Variants in RFTN2 observed in about 807,000 individuals in gnomAD.
RFTN2 encodes raftlin-2.
In RFTN2, 34 loss-of-function variants were observed where a neutral mutation model predicts 52.7. The observed-to-expected ratio is 0.64, with a 90% CI of 0.49 to 0.86. RFTN2 has a LOEUF of 0.86. Ranked by LOEUF, RFTN2 falls within the 40% of genes least tolerant of loss-of-function variation. RFTN2 has a pLI of 0.00. For missense variants in RFTN2, 536 were observed against 600.1 expected (o/e 0.89, Z 1.12); for synonymous variants, 203 against 217.7 (o/e 0.93, Z 0.59).
chr2:197,572,194 A>G lies in RFTN2; in HGVS notation c.1320T>C (p.Pro440=), dbSNP rs778686336. ...SIGLDTTSSQ[P]AESRHLPEEC... ...CCTCAGGCAGGTGTCTGCTCTCTGC[A>G]GGTTGTGACGAGGTTGTGTCTAATC... is the stretch of plus-strand genomic sequence containing the variant. Residue 440 remains proline (P), a synonymous_variant, in exon 9 of 9, where the codon CCT becomes CCC. Coordinates refer to ENST00000295049, the MANE Select transcript of RFTN2 (RefSeq NM_144629.3). 170 of 1,614,238 alleles carry G rather than the reference A, an allele frequency of 1.1e-4. No homozygotes were observed. The highest frequency in any genetic ancestry group is 1.4e-4 in the Non-Finnish European group (162 of 1,180,038).
intron 1 of RFTN2, among the ~76,000 whole-genome samples, chr2:197,664,691 G>A (rs1393641505): frequency 2.6e-5 from 4 of 151,866 alleles, no homozygotes; most frequent in African/African-American, 9.7e-5. Context: ...AGGCTGAGGT[G>A]GGAGGATCAC....
intron 1 of RFTN2, among the ~76,000 whole-genome samples, chr2:197,665,358 G>A (rs1214073807): frequency 6.6e-6 from 1 of 151,964 alleles, no homozygotes; most frequent in Non-Finnish European, 1.5e-5. Context: ...CTGAAAGTGG[G>A]TTGAAGTATT....
chr2:197,654,561 C>T (rs907937620), intron 1 of RFTN2, among the ~76,000 whole-genome samples: 1 of 152,078 alleles, frequency 6.6e-6, no homozygotes, highest in African/African-American at 2.4e-5. Context: ...TATATACAGC[C>T]GAAGAGCATC....
At chr2:197,626,013 T>C (rs2106224915) in intron 5 of RFTN2, among the ~76,000 whole-genome samples, 1 of 152,238 alleles carries the variant, frequency 6.6e-6, no homozygotes, top group Non-Finnish European at 1.5e-5. Context: ...AGTCTTGAAC[T>C]CCTGACCTCA....
intron 7 of RFTN2, among the ~76,000 whole-genome samples, chr2:197,603,896 C>T (rs987511985): frequency 2.6e-5 from 4 of 152,114 alleles, no homozygotes; most frequent in Non-Finnish European, 4.4e-5. Context: ...CCCTGCACTC[C>T]AGTCTGGGCT....
Position 197,571,686 on chromosome 2 carries a change from T to A in RFTN2, c.*322A>T. ...AAAATACTGATTGAGATATTCAGTCTCCTTACCAGGAATTGTAAGAAAGTC... is the reference window on the plus strand; with the variant it reads ...AAAATACTGATTGAGATATTCAGTCACCTTACCAGGAATTGTAAGAAAGTC... On this transcript the variant is annotated 3_prime_UTR_variant, in exon 9 of 9. Coordinates refer to ENST00000295049, the MANE Select transcript of RFTN2 (RefSeq NM_144629.3). The A allele has an allele frequency of 6.8e-6, 2 of 295,198 alleles. No individual in the cohort carries two copies. The highest frequency in any genetic ancestry group is 1.0e-4 in the South Asian group (2 of 19,980). 18.3% of individuals were successfully genotyped at this position (295,198 alleles called of 1,614,324 possible). A position where few individuals can be genotyped will look rare whatever the true frequency, so the allele number is the denominator to read the frequency against.
chr2:197,586,044 G>A (rs527946251), intron 8 of RFTN2, among the ~76,000 whole-genome samples: 6 of 152,244 alleles, frequency 3.9e-5, no homozygotes, highest in South Asian at 4.1e-4. Context: ...ACACACCACT[G>A]AAACAATTGG....
chr2:197,622,360 G>A (rs563542455), intron 5 of RFTN2, among the ~76,000 whole-genome samples: 6 of 152,122 alleles, frequency 3.9e-5, no homozygotes, highest in Non-Finnish European at 5.9e-5. Flanking sequence ...GCTGGGGTGC[G>A]GTGGCATGAT....
At position 197,569,320 on chromosome 2, in the gene RFTN2, G is replaced by A. The variant is rs961626117; in HGVS notation, c.*2688C>T. On this transcript the variant is annotated 3_prime_UTR_variant, in exon 9 of 9. Transcript: ENST00000295049. ...AAAAGAACTGAATATACAACTGGCA[G>A]ATAATAAAATTAGACATATTTAACT... 6.6e-6 allele frequency: 1 copy of A among 152,160 alleles called. No individual in the cohort carries two copies. The highest frequency in any genetic ancestry group is 2.1e-4 in the South Asian group (1 of 4,836). The allele number at this position is 152,160 out of a possible 1,614,324, so 9.4% of individuals were successfully genotyped here. A position where few individuals can be genotyped will look rare whatever the true frequency, so the allele number is the denominator to read the frequency against.
chr2:197,605,583 T>C (rs1275243251), intron 7 of RFTN2, among the ~76,000 whole-genome samples: 1 of 152,224 alleles, frequency 6.6e-6, no homozygotes, highest in Non-Finnish European at 1.5e-5. Flanking sequence ...TCTTTAAATA[T>C]ATCCTGCACT....
intron 8 of RFTN2, among the ~76,000 whole-genome samples, chr2:197,585,735 C>G (rs1388452448): frequency 6.6e-6 from 1 of 152,162 alleles, no homozygotes; most frequent in African/African-American, 2.4e-5. Context: ...CTCCCTACAC[C>G]TCCGAACTTC....
At chr2:197,637,918 C>G (rs1047705490) in intron 3 of RFTN2, among the ~76,000 whole-genome samples, 11 of 151,404 alleles carry the variant, frequency 7.3e-5, no homozygotes, top group Non-Finnish European at 1.5e-4. Context: ...GAATGCATCC[C>G]AGAGATTCTG....
intron 8 of RFTN2, among the ~76,000 whole-genome samples, chr2:197,575,993 G>T (rs1008003523): frequency 5.3e-5 from 8 of 150,504 alleles, no homozygotes; most frequent in African/African-American, 2.0e-4. Context: ...CTCCTGATGA[G>T]ATTTCATTAT....
In RFTN2 at chr2:197,605,431, G is replaced by A. The variant is rs1024361958; in HGVS notation, c.1155-9362C>T. Reference sequence around the variant, plus strand: ...GGGGTTTCACTGTGTTAGCCAGGATGATCTCGATCTCCTGACCTCATGATC... The same window carrying A: ...GGGGTTTCACTGTGTTAGCCAGGATAATCTCGATCTCCTGACCTCATGATC... On this transcript the variant is annotated intron_variant, in intron 7 of 8. Coordinates refer to ENST00000295049, the MANE Select transcript of RFTN2 (RefSeq NM_144629.3). Among the ~76,000 whole-genome samples the A allele has an allele frequency of 2.6e-5, 4 of 152,144 alleles. No individual in the cohort carries two copies. In the East Asian group the frequency reaches 7.8e-4, roughly 30 times the overall value.
intron 2 of RFTN2, among the ~76,000 whole-genome samples, chr2:197,645,681 GTCTA>G (rs2088737606): frequency 6.6e-6 from 1 of 152,162 alleles, no homozygotes; most frequent in Non-Finnish European, 1.5e-5. Context: ...TTAACAAGAG[GTCTA>G]TCTAATTTGT....
At chr2:197,583,603 A>C (rs1250097429) in intron 8 of RFTN2, among the ~76,000 whole-genome samples, 1 of 151,992 alleles carries the variant, frequency 6.6e-6, no homozygotes, top group Non-Finnish European at 1.5e-5. Flanking sequence ...CCTCCAACTT[A>C]AAAAGGACTG....
chr2:197,644,145 A>G lies in RFTN2; in HGVS notation c.438+13T>C, dbSNP rs761653526. 7.0e-7 allele frequency: 1 copy of G among 1,431,970 alleles called. No individual in the cohort carries two copies. The highest frequency in any genetic ancestry group is 2.3e-5 in the East Asian group (1 of 44,070). The allele number at this position is 1,431,970 out of a possible 1,614,324, so 88.7% of individuals were successfully genotyped here. On this transcript the variant is annotated intron_variant, in intron 3 of 8. Coordinates refer to ENST00000295049, the MANE Select transcript of RFTN2 (RefSeq NM_144629.3). ...TTGTCAATATCCCATGAAAAAGTGC[A>G]TAAATTTAGTACCTTTTCTATCAGT...
chr2:197,611,139 G>A (rs138850927), intron 7 of RFTN2, among the ~76,000 whole-genome samples: 4 of 152,164 alleles, frequency 2.6e-5, no homozygotes, highest in Non-Finnish European at 5.9e-5. Context: ...AATGAGTTAG[G>A]GGGGAGTCCC....
chr2:197,585,313 A>T (rs2087578610), intron 8 of RFTN2, among the ~76,000 whole-genome samples: 1 of 152,130 alleles, frequency 6.6e-6, no homozygotes, highest in African/African-American at 2.4e-5. Context: ...CTGACTAGTC[A>T]TACTCCTATT....
Sources: gnomAD v4.1 joint callset for allele counts (sites outside exome capture counted in the v4.1 genomes callset) on GRCh38, gnomAD v4.1.1 for gene constraint, MANE v1.5 for transcripts, NCBI Gene and HGNC (gene_info 2026-07-23, HGNC 2026-07-21) for gene names.